The following ARK2C variants were observed in gnomAD, a reference collection of about 807,000 sequenced individuals.
The protein encoded by ARK2C is arkadia (RNF111) C-terminal like ring finger ubiquitin ligase 2C.
the ARK2C span, among the ~76,000 whole-genome samples, chr18:46,361,165 T>C: frequency 6.6e-6 from 1 of 152,166 alleles, no homozygotes; most frequent in South Asian, 2.1e-4. Flanking sequence ...GAGTCTTTTC[T>C]AGTAATACCT....
chr18:46,395,289 G>A, the ARK2C span, among the ~76,000 whole-genome samples: 1 of 152,192 alleles, frequency 6.6e-6, no homozygotes, highest in African/African-American at 2.4e-5. Context: ...TTACCATAGT[G>A]CCAGGGACTG....
At chr18:46,392,104 A>G in the ARK2C span, among the ~76,000 whole-genome samples, 73 of 151,960 alleles carry the variant, frequency 4.8e-4, no homozygotes, top group Non-Finnish European at 7.7e-4. Flanking sequence ...CACCACGCAT[A>G]CACACACTGT....
the ARK2C span, among the ~76,000 whole-genome samples, chr18:46,370,062 C>T: frequency 6.6e-6 from 1 of 152,226 alleles, no homozygotes; most frequent in African/African-American, 2.4e-5. Context: ...TGTGAAGGAG[C>T]TGAGAAAGGC....
the ARK2C span, among the ~76,000 whole-genome samples, chr18:46,416,545 G>A: frequency 1.3e-5 from 2 of 152,148 alleles, no homozygotes; most frequent in Non-Finnish European, 1.5e-5. Context: ...AAACGACAAC[G>A]CCATTTGTAT....
At chr18:46,365,425 G>C in the ARK2C span, among the ~76,000 whole-genome samples, 1 of 152,236 alleles carries the variant, frequency 6.6e-6, no homozygotes, top group African/African-American at 2.4e-5. Flanking sequence ...GTCTTCACAA[G>C]AATCTGGCTC....
At chr18:46,440,567 A>C in the ARK2C span, among the ~76,000 whole-genome samples, 9 of 152,206 alleles carry the variant, frequency 5.9e-5, no homozygotes, top group Non-Finnish European at 8.8e-5. Context: ...TCATCTGTAA[A>C]TATTTCACTA....
chr18:46,430,107 T>C, the ARK2C span, among the ~76,000 whole-genome samples: 1 of 152,330 alleles, frequency 6.6e-6, no homozygotes, highest in South Asian at 2.1e-4. Flanking sequence ...TGTTCCTCTT[T>C]CTTGGTTTGT....
the ARK2C span, chr18:46,336,085 G>C: frequency 1.3e-5 from 13 of 985,114 alleles, no homozygotes; most frequent in Non-Finnish European, 1.6e-5. Flanking sequence ...GAAAGAGGGG[G>C]GCTGGATGCG....
chr18:46,340,368 GTTCA>G, the ARK2C span, among the ~76,000 whole-genome samples: 1 of 152,098 alleles, frequency 6.6e-6, no homozygotes, highest in South Asian at 2.1e-4. Context: ...GTGTTTAGTT[GTTCA>G]TTCATTCACT....
At chr18:46,435,206 G>C in the ARK2C span, 1 of 1,236,388 alleles carries the variant, frequency 8.1e-7, no homozygotes, top group Non-Finnish European at 1.2e-6. Flanking sequence ...GCACCCTCAG[G>C]CTGCCCCGGT....
chr18:46,388,408 C>G, the ARK2C span, among the ~76,000 whole-genome samples: 1,224 of 152,284 alleles, frequency 8.0e-3, 15 homozygotes, highest in African/African-American at 0.028. Context: ...GATCCTGGGA[C>G]CCTTCAGTGA....
the ARK2C span, among the ~76,000 whole-genome samples, chr18:46,409,458 A>G: frequency 6.6e-6 from 1 of 152,216 alleles, no homozygotes; most frequent in East Asian, 1.9e-4. Flanking sequence ...GCAGGAGGAA[A>G]TGAAGTGAAG....
chr18:46,367,024 GA>G, the ARK2C span, among the ~76,000 whole-genome samples: 670 of 152,206 alleles, frequency 4.4e-3, 13 homozygotes, highest in East Asian at 0.06. Context: ...TAGTTTCCAA[GA>G]AAAAATCACC....
At chr18:46,420,375 C>T in the ARK2C span, among the ~76,000 whole-genome samples, 1 of 152,188 alleles carries the variant, frequency 6.6e-6, no homozygotes, top group African/African-American at 2.4e-5. Context: ...AATAAAGCTA[C>T]TCTCTGTCCT....
the ARK2C span, among the ~76,000 whole-genome samples, chr18:46,435,873 C>T: frequency 6.6e-6 from 1 of 152,162 alleles, no homozygotes; most frequent in African/African-American, 2.4e-5. Context: ...GCTTACATTG[C>T]ATCTTGAAGG....
At chr18:46,396,818 G>A in the ARK2C span, among the ~76,000 whole-genome samples, 5 of 152,206 alleles carry the variant, frequency 3.3e-5, no homozygotes, top group Non-Finnish European at 7.3e-5. Flanking sequence ...GGACGGGCGT[G>A]GTGGGGCCCT....
chr18:46,432,683 C>A, the ARK2C span, among the ~76,000 whole-genome samples: 1 of 152,222 alleles, frequency 6.6e-6, no homozygotes, highest in African/African-American at 2.4e-5. Flanking sequence ...CCCGGCCAGG[C>A]GCGGTGGCTC....
the ARK2C span, among the ~76,000 whole-genome samples, chr18:46,407,542 G>C: frequency 1.3e-5 from 2 of 152,180 alleles, no homozygotes; most frequent in African/African-American, 4.8e-5. Flanking sequence ...CTAGGCAGAG[G>C]TCTTGTTTAG....
chr18:46,353,693 C>CTGGCTCCTTCCCACAGCGTTG, the ARK2C span, among the ~76,000 whole-genome samples: 36 of 152,230 alleles, frequency 2.4e-4, no homozygotes, highest in African/African-American at 7.5e-4. Context: ...GGCCAGGACT[C>CTGGCTCCTTCCCACAGCGTTG]TGGCTCCTTC....
Sources: gnomAD v4.1 joint callset for allele counts (sites outside exome capture counted in the v4.1 genomes callset) on GRCh38, gnomAD v4.1.1 for gene constraint, MANE v1.5 for transcripts, NCBI Gene and HGNC (gene_info 2026-07-23, HGNC 2026-07-21) for gene names.